DNAH12: variants seen among roughly 807,000 people sequenced by gnomAD.
DNAH12 encodes axonemal beta dynein heavy chain 12.
A neutral mutation model predicts 371.5 loss-of-function variants in DNAH12; 285 were observed. The ratio of observed to expected loss-of-function variants is 0.77; its 90% CI spans 0.70 to 0.85. The LOEUF (loss-of-function observed/expected upper bound fraction) is 0.85, where lower values mean the gene tolerates loss of function less well. Ranked by LOEUF, DNAH12 falls within the 40% of genes least tolerant of loss-of-function variation. DNAH12 has a pLI of 0.00. For synonymous variants in DNAH12, 1,200 were observed against 1,213.0 expected (o/e 0.99, Z 0.22); for missense variants, 3,611 against 3,689.4 (o/e 0.98, Z 0.55).
At chr3:57,418,396 C>T (rs1378249253) in intron 37 of DNAH12, among the ~76,000 whole-genome samples, 3 of 134,914 alleles carry the variant, frequency 2.2e-5, no homozygotes, top group African/African-American at 8.3e-5. Context: ...AAAAAAAAGC[C>T]AGGCATAGTG....
chr3:57,451,050 G>A (rs181419379), intron 25 of DNAH12, among the ~76,000 whole-genome samples: 203 of 152,344 alleles, frequency 1.3e-3, no homozygotes, highest in Middle Eastern at 0.01. Context: ...CCCTGTGAGA[G>A]CAGGCTACAA....
chr3:57,368,739 T>C (rs1234114620), intron 55 of DNAH12, among the ~76,000 whole-genome samples: 2 of 152,322 alleles, frequency 1.3e-5, no homozygotes, highest in East Asian at 3.9e-4. Flanking sequence ...GGGTGGTATA[T>C]ATCTGAGATC....
intron 25 of DNAH12, among the ~76,000 whole-genome samples, chr3:57,447,485 T>C (rs1299482189): frequency 3.3e-5 from 5 of 151,786 alleles, no homozygotes; most frequent in East Asian, 1.9e-4. Context: ...GTAAGGGGGG[T>C]AGGGGGAATA....
In DNAH12 at chr3:57,365,465, T is replaced by A. The variant is rs917193239; in HGVS notation, c.9167+1264A>T. Reference sequence around the variant, plus strand: ...ACACACTGGGGCCTGTCAGGGTGGGTAGGAGGAGGGAGAGCATCAGGAAAA... The same window carrying A: ...ACACACTGGGGCCTGTCAGGGTGGGAAGGAGGAGGGAGAGCATCAGGAAAA... On this transcript the variant is annotated intron_variant, in intron 57 of 73. Transcript: ENST00000495027. 3.3e-5 allele frequency among the ~76,000 whole-genome samples: 5 copies of A among 151,786 alleles called. No individual in the cohort carries two copies. In the East Asian group the frequency reaches 9.7e-4, roughly 29 times the overall value.
chr3:57,493,806 G>A (rs1037626454), intron 11 of DNAH12: 15 of 146,672 alleles, frequency 1.0e-4, no homozygotes, highest in Non-Finnish European at 1.8e-4. Context: ...AGCATTTAAC[G>A]AAACCCAACA....
At chr3:57,323,341 G>T in intron 63 of DNAH12, 81 bp from the exon 64 acceptor site, 1 of 1,480,624 alleles carries the variant, frequency 6.8e-7, no homozygotes, top group Non-Finnish European at 8.9e-7. Context: ...GTTTTATCAT[G>T]AAAAATTCTA....
rs2062987800 is a variant in DNAH12 at position 57,363,690 on chromosome 3, T to C, written c.9264A>G (p.Leu3088=). The change falls in exon 58 of 74, where the codon TTA becomes TTG. Residue 3088 remains leucine (L), a synonymous_variant. Coordinates refer to ENST00000495027, the MANE Select transcript of DNAH12 (RefSeq NM_001366028.2). ...KDIEKKILET[L]SSSEGNILED... ...CTAAAATGTTTCCTTCTGATGATGA[T>C]AATGTTTCTAAAATTTTTTTCTCTA... is the stretch of plus-strand genomic sequence containing the variant. 2.0e-5 allele frequency: 3 copies of C among 152,320 alleles called. 1 individual carries two copies. Among genetic ancestry groups the C allele is most frequent in the South Asian group, 4.1e-4 (2 of 4,828 alleles). The allele number at this position is 152,320 out of a possible 1,614,324, so 9.4% of individuals were successfully genotyped here.
chr3:57,521,162 AAGT>A (rs1193666865), intron 4 of DNAH12, among the ~76,000 whole-genome samples: 1 of 150,466 alleles, frequency 6.6e-6, no homozygotes, highest in African/African-American at 2.4e-5. Context: ...ATTTTTCTAA[AAGT>A]TTTATAGTTT....
At chr3:57,519,814 G>T in intron 4 of DNAH12, 1 of 1,379,086 alleles carries the variant, frequency 7.3e-7, no homozygotes, top group Non-Finnish European at 1.0e-6. Context: ...TTTGTTTTCA[G>T]CTTGACATCT....
intron 62 of DNAH12, among the ~76,000 whole-genome samples, chr3:57,333,349 T>TTTTTTTTTTTTTTTTTTTTTTTTTTG (rs71088059): frequency 6.9e-6 from 1 of 144,144 alleles, no homozygotes; most frequent in African/African-American, 2.7e-5. Flanking sequence ...TTTTTTTTTT[T>TTTTTTTTTTTTTTTTTTTTTTTTTTG]AGATGGAGTC....
chr3:57,493,120 G>A (rs2067188881), intron 11 of DNAH12, among the ~76,000 whole-genome samples: 1 of 152,096 alleles, frequency 6.6e-6, no homozygotes, highest in South Asian at 2.1e-4. Flanking sequence ...AAATTTAGTT[G>A]GTAATTCATA....
chr3:57,439,484 G>C (rs913466684), intron 29 of DNAH12, among the ~76,000 whole-genome samples: 6 of 152,130 alleles, frequency 3.9e-5, no homozygotes, highest in African/African-American at 1.4e-4. Context: ...AGGATGGCTT[G>C]TTAGCCATAT....
rs1004574662 is a variant in DNAH12 at position 57,352,032 on chromosome 3, T to C, written c.9674+53A>G. The C allele has an allele frequency of 3.7e-5, 54 of 1,456,226 alleles. No individual in the cohort carries two copies. The South Asian group carries it at 4.7e-4, about 13-fold the overall frequency. 90.2% of individuals were successfully genotyped at this position (1,456,226 alleles called of 1,614,324 possible). On this transcript the variant is annotated intron_variant, in intron 60 of 73. Transcript: ENST00000495027. ...GAGAAGACATATTCACAGATTTGAT[T>C]TTCCAGGGAGGTTTTAAAAATAAAT...
chr3:57,333,268 C>T (rs1311860588), intron 62 of DNAH12, among the ~76,000 whole-genome samples: 1 of 150,604 alleles, frequency 6.6e-6, no homozygotes, highest in African/African-American at 2.5e-5. Flanking sequence ...CTCAGCCTCC[C>T]AAAGTACTGG....
chr3:57,399,632 C>T (rs2063815746), intron 43 of DNAH12, among the ~76,000 whole-genome samples: 1 of 152,252 alleles, frequency 6.6e-6, no homozygotes, highest in Non-Finnish European at 1.5e-5. Context: ...CAGTTGACCA[C>T]TGAACAACAC....
intron 66 of DNAH12, among the ~76,000 whole-genome samples, chr3:57,312,929 T>G (rs934639259): frequency 1.3e-5 from 2 of 152,336 alleles, no homozygotes; most frequent in Non-Finnish European, 2.9e-5. Context: ...ACAATTTTTA[T>G]TTTAAAGGTT....
chr3:57,338,038 G>T (rs782165772), intron 60 of DNAH12, among the ~76,000 whole-genome samples: 6 of 151,948 alleles, frequency 3.9e-5, no homozygotes, highest in Non-Finnish European at 7.4e-5. Flanking sequence ...CTCTTTCCAC[G>T]GTCTCCCTCT....
intron 62 of DNAH12, among the ~76,000 whole-genome samples, chr3:57,332,695 C>G (rs747873502): frequency 7.2e-5 from 11 of 152,154 alleles, no homozygotes; most frequent in Non-Finnish European, 1.3e-4. Context: ...GAAATCTGCT[C>G]ACAGTACCTC....
chr3:57,320,375 A>T (rs2061778328), intron 65 of DNAH12, among the ~76,000 whole-genome samples: 1 of 152,224 alleles, frequency 6.6e-6, no homozygotes, highest in Admixed American at 6.5e-5. Context: ...CCCTGCCCTT[A>T]AGGAGAATAA....
Sources: gnomAD v4.1 joint callset for allele counts (sites outside exome capture counted in the v4.1 genomes callset) on GRCh38, gnomAD v4.1.1 for gene constraint, MANE v1.5 for transcripts, NCBI Gene and HGNC (gene_info 2026-07-23, HGNC 2026-07-21) for gene names.